CELSR1: variants seen among roughly 807,000 people sequenced by gnomAD.
The protein encoded by CELSR1 is cadherin EGF LAG seven-pass G-type receptor 1, also known as adhesion G protein-coupled receptor C1.
Under a neutral mutation model 249.1 loss-of-function variants are expected in CELSR1, and 110 were observed. The ratio of observed to expected loss-of-function variants is 0.44; its 90% confidence interval spans 0.38 to 0.52. The LOEUF (loss-of-function observed/expected upper bound fraction) is 0.52. CELSR1 is among the 20% of genes least tolerant of loss of function. The probability of loss-of-function intolerance (pLI) is 0.00; values close to 1 mark genes in which losing one functional copy is unlikely to be tolerated. For synonymous variants in CELSR1, 2,113 were observed against 1,900.0 expected, an observed-to-expected ratio of 1.11 and a Z score of -2.92; for missense variants, 4,109 against 4,296.4, an observed-to-expected ratio of 0.96 and a Z score of 1.22.
chr22:46,472,794 G>C lies in CELSR1; in HGVS notation c.3545-8449C>G, dbSNP rs713963. Among the ~76,000 whole-genome samples the C allele has an allele frequency of 0.66, 100,857 of 152,032 alleles. 33,803 individuals are homozygous for C. Among genetic ancestry groups the C allele is most frequent in the East Asian group, 0.85 (4,386 of 5,164 alleles). On this transcript the variant is annotated intron_variant, in intron 1 of 34. Coordinates refer to ENST00000674500, the MANE Select transcript of CELSR1 (RefSeq NM_001378328.1). This position sits in a 1 kb window ranked among gnomAD's most constrained non-coding sequence, Gnocchi z 7.0. ...CGGGCCCCTTTCCCTGGGGGCTGGG[G>C]GTCCAGCAGTCCTTGGCGTTGCTTG... is the stretch of plus-strand genomic sequence containing the variant.
rs1424774595 is a variant in CELSR1, at chr22:46,471,834, G to A, written c.3545-7489C>T. 2.6e-5 allele frequency among the ~76,000 whole-genome samples: 4 copies of A among 152,174 alleles called. No homozygotes were observed. Among genetic ancestry groups the A allele is most frequent in the South Asian group, 2.1e-4 (1 of 4,830 alleles). On this transcript the variant is annotated intron_variant, in intron 1 of 34. Transcript: ENST00000674500. This position sits in a 1 kb window ranked among gnomAD's most constrained non-coding sequence, Gnocchi z 4.9. The stretch of plus-strand genomic sequence containing the variant: ...ACACCACACTCAGCTCCCCTGCACC[G>A]TGGTGGCTTCCAGCCTTCCCTGGGT...
At chr22:46,414,382 G>A (rs1301902121) in intron 5 of CELSR1, among the ~76,000 whole-genome samples, 2 of 152,250 alleles carry the variant, frequency 1.3e-5, no homozygotes, top group Non-Finnish European at 2.9e-5. Flanking sequence ...GGAGCGGGGG[G>A]ATCTGTGGGG....
chr22:46,438,870 G>A (rs2147462594), intron 3 of CELSR1, among the ~76,000 whole-genome samples: 1 of 152,302 alleles, frequency 6.6e-6, no homozygotes, highest in South Asian at 2.1e-4. Context: ...CGGTTCTCTT[G>A]TCTCAGCCTC....
rs748758570 is a variant in CELSR1, at chr22:46,364,216, G to A, written c.8815C>T (p.Leu2939=). 6.2e-6 allele frequency: 10 copies of A among 1,611,080 alleles called. No individual in the cohort carries two copies. The South Asian group carries it at 8.8e-5, about 14-fold the overall frequency. ...TTCAGCGTCTGCTCCGTCAGCGTCAGCGGCGGCGGGTAGGTGACTTTATTT... is the reference window on the plus strand; with the variant it reads ...TTCAGCGTCTGCTCCGTCAGCGTCAACGGCGGCGGGTAGGTGACTTTATTT... ...LKNKVTYPPP[L]TLTEQTLKGR... Residue 2939 remains leucine (L), a synonymous_variant, in exon 34 of 35, where the codon CTG becomes TTG. Coordinates refer to ENST00000674500, the MANE Select transcript of CELSR1 (RefSeq NM_001378328.1).
Position 46,399,853 on chromosome 22 carries a change from A to C in CELSR1, c.5276T>G (p.Val1759Gly). 1 of 1,614,138 alleles carries C rather than the reference A, an allele frequency of 6.2e-7. No individual in the cohort carries two copies. Among genetic ancestry groups the C allele is most frequent in the Non-Finnish European group, 8.5e-7 (1 of 1,179,992 alleles). The change falls in exon 10 of 35, where the codon GTG becomes GGG. Residue 1759 changes from valine to glycine, a missense_variant. By Grantham distance (109) the Val-to-Gly change is moderately radical. Coordinates refer to ENST00000674500, the MANE Select transcript of CELSR1 (RefSeq NM_001378328.1). This position sits in a 1 kb window ranked among gnomAD's most constrained non-coding sequence, Gnocchi z 5.0. ...QFEVSHGPSD[V>G]ESVMLSGLRV... ...CAACCCGGACAGCATCACGGACTCC[A>C]CATCGGAGGGGCCGTGGGACACCTC...
rs1189771449 is a variant in CELSR1 at position 46,411,120 on chromosome 22, G to C, written c.4769+482C>G. The stretch of plus-strand genomic sequence containing the variant: ...AGGCTGTGGCAGGAGGATGGCTTGA[G>C]TCCAGGAGGTCAAGGCTTCAGTGAG... On this transcript the variant is annotated intron_variant, in intron 6 of 34. Coordinates refer to ENST00000674500, the MANE Select transcript of CELSR1 (RefSeq NM_001378328.1). The surrounding 1 kb of genome is among the most constrained non-coding windows in gnomAD (Gnocchi z 4.2). Among the ~76,000 whole-genome samples the C allele has an allele frequency of 6.6e-6, 1 of 152,130 alleles. No homozygotes were observed. Among genetic ancestry groups the C allele is most frequent in the Non-Finnish European group, 1.5e-5 (1 of 68,016 alleles).
At position 46,423,948 on chromosome 22, in the gene CELSR1, A is replaced by T. The variant is rs1003037815; in HGVS notation, c.4611+9445T>A. Reference sequence around the variant, plus strand: ...CCGAGATTGTGCCAGCCTGGGTGACAGAGTGAGACTGCATCTCAAAACAAA... The same window carrying T: ...CCGAGATTGTGCCAGCCTGGGTGACTGAGTGAGACTGCATCTCAAAACAAA... On this transcript the variant is annotated intron_variant, in intron 5 of 34. Transcript: ENST00000674500. The surrounding 1 kb of genome is among the most constrained non-coding windows in gnomAD (Gnocchi z 5.6). Among the ~76,000 whole-genome samples the T allele has an allele frequency of 6.6e-6, 1 of 152,220 alleles. No individual in the cohort carries two copies. The highest frequency in any genetic ancestry group is 1.5e-5 in the Non-Finnish European group (1 of 68,040).
At position 46,426,263 on chromosome 22, in the gene CELSR1, A is replaced by G. The variant is rs184837486; in HGVS notation, c.4611+7130T>C. Reference sequence around the variant, plus strand: ...AATGAGAACAAGGTTTCTAACTGGTAAAGAGTTACACATATAGAAGAGGAA... The same window carrying G: ...AATGAGAACAAGGTTTCTAACTGGTGAAGAGTTACACATATAGAAGAGGAA... On this transcript the variant is annotated intron_variant, in intron 5 of 34. Coordinates refer to ENST00000674500, the MANE Select transcript of CELSR1 (RefSeq NM_001378328.1). Among the ~76,000 whole-genome samples, 300 of 151,962 alleles carry G rather than the reference A, an allele frequency of 2.0e-3. 3 individuals carry two copies. Among genetic ancestry groups the G allele is most frequent in the East Asian group, 5.8e-4 (3 of 5,180 alleles).
At chr22:46,403,506 G>A (rs145232607) in intron 9 of CELSR1, among the ~76,000 whole-genome samples, 1,884 of 152,064 alleles carry the variant, frequency 0.012, 43 homozygotes, top group Middle Eastern at 0.044. Context: ...GCAGTGAGAC[G>A]AGATCAAGCC....
At position 46,393,737 on chromosome 22, in the gene CELSR1, CA is replaced by C. The variant is rs527573754; in HGVS notation, c.5964+404del. Among the ~76,000 whole-genome samples, 2,101 of 76,518 alleles carry C rather than the reference CA, an allele frequency of 0.027. 25 individuals are homozygous for C. The highest frequency in any genetic ancestry group is 0.058 in the African/African-American group (1,170 of 20,266). 50.2% of individuals were successfully genotyped at this position (76,518 alleles called of 152,430 possible). A position where few individuals can be genotyped will look rare whatever the true frequency, so the allele number is the denominator to read the frequency against. On this transcript the variant is annotated intron_variant, in intron 14 of 34. Coordinates refer to ENST00000674500, the MANE Select transcript of CELSR1 (RefSeq NM_001378328.1). The surrounding 1 kb of genome is among the most constrained non-coding windows in gnomAD (Gnocchi z 4.1). ...TGGGCGACACAGCGAGACTCTGTCT[CA>C]AAAAAAAAAAAAAAAAGACCAGGAA...
chr22:46,372,977 A>G lies in CELSR1; in HGVS notation c.7665T>C (p.His2555=). ...TFAWTLVESL[H]VYRMLTEVRN... is the part of the protein sequence containing the mutation. ...GCACCTCGGTCAGCATGCGGTAGAC[A>G]TGCAGGCTCTCCACGAGGGTCCAGG... The change falls in exon 25 of 35, where the codon CAT becomes CAC. Residue 2555 remains histidine (H), a synonymous_variant. Coordinates refer to ENST00000674500, the MANE Select transcript of CELSR1 (RefSeq NM_001378328.1). The G allele has an allele frequency of 6.2e-7, 1 of 1,613,418 alleles. No homozygotes were observed. Among genetic ancestry groups the G allele is most frequent in the Non-Finnish European group, 8.5e-7 (1 of 1,179,884 alleles).
chr22:46,456,337 A>G (rs1272771304), intron 2 of CELSR1, among the ~76,000 whole-genome samples: 1 of 152,176 alleles, frequency 6.6e-6, no homozygotes, highest in East Asian at 1.9e-4. Flanking sequence ...AGATCACATG[A>G]AGATGGAAAG....
At position 46,410,568 on chromosome 22, in the gene CELSR1, A is replaced by G. The variant is rs2079322498; in HGVS notation, c.4770-7T>C. On this transcript the variant is annotated splice_region_variant and splice_polypyrimidine_tract_variant and intron_variant, in intron 6 of 34. Coordinates refer to ENST00000674500, the MANE Select transcript of CELSR1 (RefSeq NM_001378328.1). This position sits in a 1 kb window ranked among gnomAD's most constrained non-coding sequence, Gnocchi z 6.8. ...GCCGGTCAGATCCAGGGACCTGGGT[A>G]GGTAAAGCCATCTTCTGTGACGTCA... is the stretch of plus-strand genomic sequence containing the variant. The G allele has an allele frequency of 6.2e-7, 1 of 1,610,700 alleles. No individual in the cohort carries two copies. Among genetic ancestry groups the G allele is most frequent in the Non-Finnish European group, 8.5e-7 (1 of 1,177,478 alleles).
chr22:46,442,379 C>T (rs753107212), intron 2 of CELSR1, among the ~76,000 whole-genome samples: 15 of 152,218 alleles, frequency 9.9e-5, no homozygotes, highest in Non-Finnish European at 1.5e-4. Flanking sequence ...GACTGCCCAA[C>T]GCAGGCCATC....
In CELSR1 at chr22:46,536,166, G is replaced by C. The variant is rs756834708; in HGVS notation, c.1005C>G (p.Ala335=). The change falls in exon 1 of 35, where the codon GCC becomes GCG. Residue 335 remains alanine (A), a synonymous_variant. Coordinates refer to ENST00000674500, the MANE Select transcript of CELSR1 (RefSeq NM_001378328.1). ...AVDYSTPPRS[A]TTYITVLVKD... ...TGACCAAGACAGTGATGTAGGTGGT[G>C]GCCGAGCGCGGCGGCGTACTGTAGT... The C allele has an allele frequency of 6.2e-7, 1 of 1,612,758 alleles. No homozygotes were observed. Among genetic ancestry groups the C allele is most frequent in the Non-Finnish European group, 8.5e-7 (1 of 1,180,022 alleles).
At position 46,534,930 on chromosome 22, in the gene CELSR1, C is replaced by T. The variant is rs1338380259; in HGVS notation, c.2241G>A (p.Ala747=). ...GCTCCTGCTTGTAGTCCAGAGGTAGCGCCAGGGTGATGAGGCCGCCCCCTC... is the reference window on the plus strand; with the variant it reads ...GCTCCTGCTTGTAGTCCAGAGGTAGTGCCAGGGTGATGAGGCCGCCCCCTC... ...SQRGGGLITL[A]LPLDYKQEQQ... The change falls in exon 1 of 35, where the codon GCG becomes GCA. Residue 747 remains alanine (A), a synonymous_variant. Coordinates refer to ENST00000674500, the MANE Select transcript of CELSR1 (RefSeq NM_001378328.1). The surrounding 1 kb of genome is among the most constrained non-coding windows in gnomAD (Gnocchi z 9.7). 3 of 1,612,300 alleles carry T rather than the reference C, an allele frequency of 1.9e-6. No individual in the cohort carries two copies. The African/African-American group carries it at 4.0e-5, about 22-fold the overall frequency.
In CELSR1 at chr22:46,381,371, T is replaced by C. The variant is rs899012026; in HGVS notation, c.7089-416A>G. ...CGAGGATCCCAGAGCCAGGGAAGTATCTGGGAAATGGCAGGAAGAAGGAGG... is the reference window on the plus strand; with the variant it reads ...CGAGGATCCCAGAGCCAGGGAAGTACCTGGGAAATGGCAGGAAGAAGGAGG... On this transcript the variant is annotated intron_variant, in intron 21 of 34. Transcript: ENST00000674500. The surrounding 1 kb of genome is among the most constrained non-coding windows in gnomAD (Gnocchi z 6.0). Among the ~76,000 whole-genome samples the C allele has an allele frequency of 6.6e-6, 1 of 151,874 alleles. No individual in the cohort carries two copies. The highest frequency in any genetic ancestry group is 6.6e-5 in the Admixed American group (1 of 15,256).
intron 1 of CELSR1, among the ~76,000 whole-genome samples, chr22:46,515,336 G>A (rs937077168): frequency 7.9e-5 from 12 of 152,234 alleles, no homozygotes; most frequent in African/African-American, 2.7e-4. Context: ...GTCTCAGTGC[G>A]TATCACAAAG....
Position 46,527,874 on chromosome 22 carries a change from T to A in CELSR1, c.3544+5753A>T, listed in dbSNP as rs951222449. On this transcript the variant is annotated intron_variant, in intron 1 of 34. Transcript: ENST00000674500. This position sits in a 1 kb window ranked among gnomAD's most constrained non-coding sequence, Gnocchi z 5.5. ...ATTTTGGGAGGCTGAGGCGGGCGGA[T>A]AGCCTGAGGTCAGGAGTTGGAGACC... 6.6e-6 allele frequency among the ~76,000 whole-genome samples: 1 copy of A among 152,142 alleles called. No homozygotes were observed. The highest frequency in any genetic ancestry group is 1.5e-5 in the Non-Finnish European group (1 of 68,020).
Sources: gnomAD v4.1 joint callset for allele counts (sites outside exome capture counted in the v4.1 genomes callset) on GRCh38, gnomAD v4.1.1 for gene constraint, Gnocchi (gnomAD v3.1) non-coding constraint, MANE v1.5 for transcripts, NCBI Gene and HGNC (gene_info 2026-07-23, HGNC 2026-07-21) for gene names.